HS3ST4: variants seen among roughly 807,000 people sequenced by gnomAD.
HS3ST4 encodes the protein heparan sulfate-glucosamine 3-sulfotransferase 4, also known as heparan sulfate glucosamine 3-O-sulfotransferase 4.
HS3ST4 carries 17 observed loss-of-function variants against 29.2 expected under a neutral mutation model. That is an observed-to-expected ratio of 0.58 (90% CI 0.40 to 0.87). HS3ST4 has a LOEUF of 0.87. HS3ST4 is among the 40% of genes least tolerant of loss of function. HS3ST4 has a pLI of 0.00. For synonymous variants in HS3ST4, 314 were observed against 285.7 expected, an observed-to-expected ratio of 1.10 and a Z score of -1.00; for missense variants, 627 against 634.5, an observed-to-expected ratio of 0.99 and a Z score of 0.13.
chr16:25,702,855 T>TGGCGGCTC (rs1966343487), intron 1 of HS3ST4, among the ~76,000 whole-genome samples: 1 of 152,008 alleles, frequency 6.6e-6, no homozygotes, highest in Non-Finnish European at 1.5e-5. Context: ...AGAGTTGAGC[T>TGGCGGCTC]AGCGGCTCAA....
chr16:25,992,548 C>A (rs1324894294), intron 1 of HS3ST4, among the ~76,000 whole-genome samples: 3 of 152,188 alleles, frequency 2.0e-5, no homozygotes, highest in Non-Finnish European at 2.9e-5. Context: ...AGAAGAGTAT[C>A]TTTGACCTTC....
chr16:25,913,597 A>G (rs1968260412), intron 1 of HS3ST4, among the ~76,000 whole-genome samples: 2 of 152,260 alleles, frequency 1.3e-5, no homozygotes, highest in Non-Finnish European at 2.9e-5. Context: ...GAAAGGTTTC[A>G]AAGAAGGTGA....
intron 1 of HS3ST4, among the ~76,000 whole-genome samples, chr16:25,845,813 C>T (rs1371358410): frequency 1.3e-5 from 2 of 151,884 alleles, no homozygotes; most frequent in Non-Finnish European, 2.9e-5. Context: ...TTTTATTTGT[C>T]CTTTCGAATA....
At chr16:25,727,349 T>A (rs1330056677) in intron 1 of HS3ST4, among the ~76,000 whole-genome samples, 1 of 152,134 alleles carries the variant, frequency 6.6e-6, no homozygotes, top group East Asian at 1.9e-4. Flanking sequence ...ATCTCCAAGA[T>A]CTGCTGTTGA....
At chr16:26,027,968 T>G (rs979582613) in intron 1 of HS3ST4, among the ~76,000 whole-genome samples, 6 of 152,080 alleles carry the variant, frequency 3.9e-5, no homozygotes, top group African/African-American at 1.4e-4. Flanking sequence ...TAATTCAGAA[T>G]AAAGATTAAA....
intron 1 of HS3ST4, among the ~76,000 whole-genome samples, chr16:25,815,075 T>C (rs886397814): frequency 2.6e-5 from 4 of 152,320 alleles, no homozygotes; most frequent in Admixed American, 6.5e-5. Context: ...TGTGTCCATA[T>C]GTGGACTGTG....
intron 1 of HS3ST4, among the ~76,000 whole-genome samples, chr16:25,799,662 A>G (rs973819535): frequency 5.9e-5 from 9 of 152,198 alleles, no homozygotes; most frequent in African/African-American, 1.9e-4. Flanking sequence ...TCTTGGGCAT[A>G]TGATTGAGAC....
At chr16:25,996,555 T>C (rs1969160786) in intron 1 of HS3ST4, among the ~76,000 whole-genome samples, 1 of 152,188 alleles carries the variant, frequency 6.6e-6, no homozygotes, top group Non-Finnish European at 1.5e-5. Context: ...CTCTAGTTAC[T>C]GTCATTTTAT....
intron 1 of HS3ST4, among the ~76,000 whole-genome samples, chr16:26,093,151 G>A (rs552974936): frequency 6.6e-6 from 1 of 152,362 alleles, no homozygotes; most frequent in African/African-American, 2.4e-5. Flanking sequence ...CTACACCTCT[G>A]TGGGCAGGGC....
intron 1 of HS3ST4, among the ~76,000 whole-genome samples, chr16:25,808,597 G>A (rs1967011987): frequency 6.6e-6 from 1 of 151,970 alleles, no homozygotes; most frequent in African/African-American, 2.4e-5. Context: ...ACATTCTAGG[G>A]CCTGTGCCTT....
chr16:25,999,715 T>C lies in HS3ST4; in HGVS notation c.735-135897T>C, dbSNP rs9924844. ...TATGGGTTCTCAAAAATTCACATTG[T>C]ACTTTCTATTTAAAGTACAATTTAA... On this transcript the variant is annotated intron_variant, in intron 1 of 1. Coordinates refer to ENST00000331351, the MANE Select transcript of HS3ST4 (RefSeq NM_006040.3). Among the ~76,000 whole-genome samples, 158 of 145,758 alleles carry C rather than the reference T, an allele frequency of 1.1e-3. 1 individual carries two copies. The highest frequency in any genetic ancestry group is 3.8e-3 in the African/African-American group (151 of 39,904).
chr16:25,944,606 G>C (rs1473467016), intron 1 of HS3ST4, among the ~76,000 whole-genome samples: 1 of 152,180 alleles, frequency 6.6e-6, no homozygotes, highest in Non-Finnish European at 1.5e-5. Context: ...CAAACATCCT[G>C]GCATAAGAGG....
chr16:26,084,804 CTTATT>C (rs1898766489), intron 1 of HS3ST4, among the ~76,000 whole-genome samples: 1 of 151,848 alleles, frequency 6.6e-6, no homozygotes, highest in South Asian at 2.1e-4. Context: ...GAGACAGGGC[CTTATT>C]TTGTTGCCCA....
At chr16:25,867,128 A>G (rs976873795) in intron 1 of HS3ST4, among the ~76,000 whole-genome samples, 3 of 152,198 alleles carry the variant, frequency 2.0e-5, no homozygotes, top group African/African-American at 4.8e-5. Flanking sequence ...AATAAAATCT[A>G]TGCTTAAAAT....
chr16:25,887,923 T>C (rs943183567), intron 1 of HS3ST4, among the ~76,000 whole-genome samples: 1 of 152,172 alleles, frequency 6.6e-6, no homozygotes, highest in East Asian at 1.9e-4. Flanking sequence ...GGTCTCGATC[T>C]TCTGACCTCA....
At chr16:26,075,307 A>C (rs1898649324) in intron 1 of HS3ST4, among the ~76,000 whole-genome samples, 1 of 152,152 alleles carries the variant, frequency 6.6e-6, no homozygotes, top group Non-Finnish European at 1.5e-5. Context: ...GTTGCAAAGC[A>C]CCTGTTCATA....
intron 1 of HS3ST4, among the ~76,000 whole-genome samples, chr16:25,706,371 T>G (rs1966375917): frequency 6.6e-6 from 1 of 152,100 alleles, no homozygotes; most frequent in African/African-American, 2.4e-5. Context: ...CATGCTTTCT[T>G]TTTAAATCTT....
chr16:25,751,997 C>CTT (rs59480781), intron 1 of HS3ST4, among the ~76,000 whole-genome samples: 1 of 148,760 alleles, frequency 6.7e-6, no homozygotes, highest in South Asian at 2.1e-4. Flanking sequence ...TTCCATTTCC[C>CTT]TTTTTTTTTT....
intron 1 of HS3ST4, among the ~76,000 whole-genome samples, chr16:26,133,850 G>A (rs1216488864): frequency 6.6e-6 from 1 of 152,180 alleles, no homozygotes; most frequent in Non-Finnish European, 1.5e-5. Context: ...ATAACAAAGA[G>A]GTCTTGTGTA....
Sources: allele counts gnomAD v4.1 joint callset (sites outside exome capture counted in the v4.1 genomes callset), GRCh38; gene constraint gnomAD v4.1.1; transcripts MANE v1.5; gene names NCBI Gene and HGNC (gene_info 2026-07-23, HGNC 2026-07-21).